MOCS1: variants seen among roughly 807,000 people sequenced by gnomAD.
MOCS1 encodes molybdenum cofactor biosynthesis protein 1.
In MOCS1, 39 loss-of-function variants were observed where a neutral mutation model predicts 57.6. That is an observed-to-expected ratio of 0.68 (90% CI 0.52 to 0.88). The LOEUF is 0.88. Among genes scored for constraint, MOCS1 ranks in the 40% least tolerant of loss-of-function variants. MOCS1 has a pLI of 0.00. For missense variants in MOCS1, 795 were observed against 831.1 expected, an observed-to-expected ratio of 0.96 and a Z score of 0.53; for synonymous variants, 334 against 335.7, an observed-to-expected ratio of 1.00 and a Z score of 0.05.
intron 1 of MOCS1, among the ~76,000 whole-genome samples, chr6:39,929,444 G>T (rs1456697893): frequency 6.6e-6 from 1 of 152,016 alleles, no homozygotes; most frequent in Admixed American, 6.6e-5. Context: ...ACAGCTATTT[G>T]CAATTCAGTC....
intron 8 of MOCS1, among the ~76,000 whole-genome samples, chr6:39,911,620 A>T (rs1437410363): frequency 6.6e-6 from 1 of 152,110 alleles, no homozygotes; most frequent in Non-Finnish European, 1.5e-5. Context: ...GCTGACTTTA[A>T]TCTGCCCTAG....
rs1181315177 is a variant in MOCS1, at chr6:39,906,678, T to G, written c.1590A>C (p.Gly530=). ...KLVQQNQLKK[G]DALVVAQLAG... ...CCAGCTGGGCCACCACTAGGGCATC[T>G]CCTTTCTTGAGCTGGTTCTGCTGGA... is the stretch of plus-strand genomic sequence containing the variant. The change falls in exon 11 of 11, where the codon GGA becomes GGC. Residue 530 remains glycine, a synonymous_variant. Coordinates refer to ENST00000340692, the MANE Select transcript of MOCS1 (RefSeq NM_001358530.2). The G allele has an allele frequency of 3.7e-6, 6 of 1,614,132 alleles. No homozygotes were observed. Among genetic ancestry groups the G allele is most frequent in the Middle Eastern group, 1.6e-4 (1 of 6,062 alleles).
At chr6:39,923,902 G>A (rs1173010625) in intron 3 of MOCS1, among the ~76,000 whole-genome samples, 1 of 152,174 alleles carries the variant, frequency 6.6e-6, no homozygotes, top group East Asian at 1.9e-4. Context: ...ATTCATCTTC[G>A]TGTGCTCAGC....
At chr6:39,928,066 C>T (rs1386895578) in intron 1 of MOCS1, among the ~76,000 whole-genome samples, 1 of 152,176 alleles carries the variant, frequency 6.6e-6, no homozygotes, top group African/African-American at 2.4e-5. Flanking sequence ...TTCATTCCCA[C>T]ACCCACTCCA....
At position 39,927,050 on chromosome 6, in the gene MOCS1, G is replaced by A. The variant is rs775600577; in HGVS notation, c.250+279C>T. On this transcript the variant is annotated intron_variant, in intron 2 of 10. Transcript: ENST00000340692. Reference sequence around the variant, plus strand: ...GGAAACAGGAGGAAGGACCCCTGAAGAATGAGAGGTCCAGGATCCAATCTT... The same window carrying A: ...GGAAACAGGAGGAAGGACCCCTGAAAAATGAGAGGTCCAGGATCCAATCTT... 34 of 399,982 alleles carry A rather than the reference G, an allele frequency of 8.5e-5. No individual in the cohort carries two copies. The Middle Eastern group carries it at 2.3e-3, about 27-fold the overall frequency. The allele number at this position is 399,982 out of a possible 1,614,324, so 24.8% of individuals were successfully genotyped here. A position where few individuals can be genotyped will look rare whatever the true frequency, so the allele number is the denominator to read the frequency against.
chr6:39,922,578 C>T (rs538658162), intron 3 of MOCS1, among the ~76,000 whole-genome samples: 2 of 152,270 alleles, frequency 1.3e-5, no homozygotes, highest in African/African-American at 4.8e-5. Context: ...CAAGATAATG[C>T]TTTAAACCCA....
chr6:39,918,568 G>A (rs1398275189), intron 3 of MOCS1, among the ~76,000 whole-genome samples: 2 of 152,200 alleles, frequency 1.3e-5, no homozygotes, highest in African/African-American at 4.8e-5. Context: ...ATAATCTAGA[G>A]AGCCAACAAT....
intron 3 of MOCS1, among the ~76,000 whole-genome samples, chr6:39,924,373 T>C (rs1324096897): frequency 1.3e-5 from 2 of 152,034 alleles, no homozygotes; most frequent in Admixed American, 6.6e-5. Flanking sequence ...TCAGGCACGG[T>C]ACTGGATGCC....
At position 39,907,132 on chromosome 6, in the gene MOCS1, G is replaced by C; in HGVS notation, c.1151-15C>G. 1.3e-6 allele frequency: 2 copies of C among 1,599,530 alleles called. No individual in the cohort carries two copies. The highest frequency in any genetic ancestry group is 1.7e-6 in the Non-Finnish European group (2 of 1,174,936). On this transcript the variant is annotated splice_polypyrimidine_tract_variant and intron_variant, in intron 10 of 10. Transcript: ENST00000340692. ...CAAAAATAACTCTGCAAGGCAAGAA[G>C]AAAAGAGAAGAAACACTAAGTCCAA...
At chr6:39,923,645 C>A (rs1195135019) in intron 3 of MOCS1, among the ~76,000 whole-genome samples, 1 of 152,238 alleles carries the variant, frequency 6.6e-6, no homozygotes, top group Non-Finnish European at 1.5e-5. Context: ...GCCTTTTAGC[C>A]CTGAGGAGCT....
intron 4 of MOCS1, among the ~76,000 whole-genome samples, chr6:39,915,235 A>G (rs1169382038): frequency 2.0e-5 from 3 of 152,208 alleles, no homozygotes; most frequent in African/African-American, 7.2e-5. Context: ...TAGAGGAAAG[A>G]GACACCATGA....
intron 2 of MOCS1, among the ~76,000 whole-genome samples, chr6:39,926,156 C>G (rs1768282996): frequency 1.3e-5 from 2 of 152,312 alleles, no homozygotes; most frequent in East Asian, 1.9e-4. Flanking sequence ...CCTGGCCTGA[C>G]TTCCTGGGCT....
At chr6:39,919,796 G>A (rs1767864569) in intron 3 of MOCS1, among the ~76,000 whole-genome samples, 2 of 152,050 alleles carry the variant, frequency 1.3e-5, no homozygotes, top group South Asian at 4.1e-4. Context: ...CTATCCATAT[G>A]GAAAAAAATT....
chr6:39,923,280 G>A (rs1768079444), intron 3 of MOCS1, among the ~76,000 whole-genome samples: 2 of 152,226 alleles, frequency 1.3e-5, no homozygotes, highest in Admixed American at 1.3e-4. Flanking sequence ...CATCCTTAAA[G>A]TGGCTCATCC....
chr6:39,924,845 G>A (rs554284397), intron 3 of MOCS1, among the ~76,000 whole-genome samples: 6 of 152,304 alleles, frequency 3.9e-5, no homozygotes, highest in East Asian at 1.9e-4. Context: ...TTGGGAGGCC[G>A]AGGTGTGTGG....
At chr6:39,907,164 A>T in intron 10 of MOCS1, 47 bp from the exon 11 acceptor site, 1 of 1,559,714 alleles carries the variant, frequency 6.4e-7, no homozygotes, top group Non-Finnish European at 8.6e-7. Context: ...CCAAAAGGCA[A>T]TTCTTTTTCC....
chr6:39,923,950 A>G (rs912435855), intron 3 of MOCS1, among the ~76,000 whole-genome samples: 33 of 152,290 alleles, frequency 2.2e-4, no homozygotes, highest in African/African-American at 7.2e-4. Context: ...CCAGCGAACA[A>G]TTACTGAGCT....
At position 39,912,393 on chromosome 6, in the gene MOCS1, G is replaced by A; in HGVS notation, c.871-19C>T. On this transcript the variant is annotated intron_variant, in intron 7 of 10. Coordinates refer to ENST00000340692, the MANE Select transcript of MOCS1 (RefSeq NM_001358530.2). ...TAAAGGCCTGGGCAGGGGAGAGTGG[G>A]AGCAAAAGGGCAGTGGAGGGGATGG... 2 of 1,562,732 alleles carry A rather than the reference G, an allele frequency of 1.3e-6. No individual in the cohort carries two copies.
rs2149421879 is a variant in MOCS1 at position 39,927,365 on chromosome 6, G to A, written c.214C>T (p.Leu72=). The A allele has an allele frequency of 6.2e-7, 1 of 1,612,496 alleles. No homozygotes were observed. Among genetic ancestry groups the A allele is most frequent in the South Asian group, 1.1e-5 (1 of 91,070 alleles). Residue 72 remains leucine, a synonymous_variant, in exon 2 of 11, where the codon CTG becomes TTG. Transcript: ENST00000340692. ...TDSFGRQHSY[L]RISLTEKCNL... The stretch of plus-strand genomic sequence containing the variant: ...CACTTCTCTGTGAGGGAGATCCGCA[G>A]GTAGCTGTGCTGCCGGCCGAAGCTG...
Sources: gnomAD v4.1 joint callset for allele counts (sites outside exome capture counted in the v4.1 genomes callset) on GRCh38, gnomAD v4.1.1 for gene constraint, MANE v1.5 for transcripts, NCBI Gene and HGNC (gene_info 2026-07-23, HGNC 2026-07-21) for gene names.